The following GRIK2 variants were observed in gnomAD, a reference collection of about 807,000 sequenced individuals.
GRIK2 encodes the protein glutamate ionotropic receptor kainate type subunit 2.
A neutral mutation model predicts 100.3 loss-of-function variants in GRIK2; 32 were observed. The ratio of observed to expected loss-of-function variants is 0.32; its 90% CI spans 0.24 to 0.43. GRIK2 has a LOEUF of 0.43. GRIK2 is among the 20% of genes least tolerant of loss of function. The pLI is 1.00. For synonymous variants in GRIK2, 417 were observed against 389.4 expected, an observed-to-expected ratio of 1.07 and a Z score of -0.83; for missense variants, 843 against 1,114.9, an observed-to-expected ratio of 0.76 and a Z score of 3.47.
intron 2 of GRIK2, among the ~76,000 whole-genome samples, chr6:101,467,926 G>A (rs1239941734): frequency 6.9e-6 from 1 of 144,374 alleles, no homozygotes; most frequent in Non-Finnish European, 1.5e-5. Context: ...GCATGCCCAC[G>A]ATATATTTTT....
intron 14 of GRIK2, among the ~76,000 whole-genome samples, chr6:101,975,482 GT>G (rs1223384581): frequency 3.9e-5 from 6 of 152,078 alleles, no homozygotes; most frequent in Admixed American, 3.3e-4. Context: ...TAAGAAAAGT[GT>G]TGTGATCAAG....
At chr6:101,791,292 G>A (rs1779837488) in intron 7 of GRIK2, among the ~76,000 whole-genome samples, 2 of 152,014 alleles carry the variant, frequency 1.3e-5, no homozygotes, top group African/African-American at 2.4e-5. Flanking sequence ...TCTTTTAATT[G>A]TGATGTTAGG....
At chr6:101,733,750 G>A (rs1328258570) in intron 7 of GRIK2, among the ~76,000 whole-genome samples, 1 of 114,470 alleles carries the variant, frequency 8.7e-6, no homozygotes, top group Non-Finnish European at 1.7e-5. Flanking sequence ...ATTATAAGCA[G>A]TCAGGAGGAA....
chr6:101,413,698 TA>T (rs1235876724), intron 2 of GRIK2, among the ~76,000 whole-genome samples: 1 of 151,874 alleles, frequency 6.6e-6, no homozygotes, highest in Non-Finnish European at 1.5e-5. Flanking sequence ...AATTTCTTAT[TA>T]TAATTGAAGG....
intron 12 of GRIK2, among the ~76,000 whole-genome samples, chr6:101,897,537 A>T (rs977699355): frequency 6.6e-6 from 1 of 151,822 alleles, no homozygotes; most frequent in Admixed American, 6.6e-5. Context: ...AGTCAACCTA[A>T]GAAAGGTCTT....
chr6:101,785,739 G>T (rs910445496), intron 7 of GRIK2, among the ~76,000 whole-genome samples: 12 of 152,026 alleles, frequency 7.9e-5, no homozygotes, highest in African/African-American at 2.9e-4. Flanking sequence ...ACATTTTAAG[G>T]TCAGGTATTG....
Position 101,827,455 on chromosome 6 carries a change from G to A in GRIK2, c.1317+8972G>A, listed in dbSNP as rs79566474. The stretch of plus-strand genomic sequence containing the variant: ...CTATTTGTTTTTGCTTTAAAACATA[G>A]CCCCACATTGGATTAAAAAAACAAA... On this transcript the variant is annotated intron_variant, in intron 10 of 16. Coordinates refer to ENST00000369134, the MANE Select transcript of GRIK2 (RefSeq NM_021956.5). Among the ~76,000 whole-genome samples, 783 of 150,732 alleles carry A rather than the reference G, an allele frequency of 5.2e-3. 42 individuals carry two copies. In the East Asian group the frequency reaches 0.13, roughly 25 times the overall value.
chr6:101,592,615 A>ATATATATATATATATATATATATATATG (rs887154272), intron 2 of GRIK2, among the ~76,000 whole-genome samples: 5 of 127,800 alleles, frequency 3.9e-5, no homozygotes, highest in African/African-American at 1.7e-4. Flanking sequence ...ATATATATAT[A>ATATATATATATATATATATATATATATG]TATATATATT....
chr6:101,667,805 C>G (rs1375598268), intron 4 of GRIK2, among the ~76,000 whole-genome samples: 2 of 151,984 alleles, frequency 1.3e-5, no homozygotes, highest in African/African-American at 4.8e-5. Flanking sequence ...TGGGGATAAC[C>G]ATTATATAAT....
At position 101,438,574 on chromosome 6, in the gene GRIK2, C is replaced by T. The variant is rs191283357; in HGVS notation, c.115+39182C>T. ...TTTAGAAAGACCAAAATAATGTAGC[C>T]ACATTGTGAGATTGCCATCAAGAAA... On this transcript the variant is annotated intron_variant, in intron 2 of 16. Coordinates refer to ENST00000369134, the MANE Select transcript of GRIK2 (RefSeq NM_021956.5). Among the ~76,000 whole-genome samples the T allele has an allele frequency of 1.0e-3, 159 of 152,032 alleles. 2 individuals are homozygous for T. Among genetic ancestry groups the T allele is most frequent in the African/African-American group, 3.7e-3 (153 of 41,492 alleles).
At chr6:101,795,585 G>A (rs910178087) in intron 7 of GRIK2, among the ~76,000 whole-genome samples, 6 of 152,214 alleles carry the variant, frequency 3.9e-5, no homozygotes, top group Non-Finnish European at 8.8e-5. Flanking sequence ...CCCCTAAGCA[G>A]TATGCATGGC....
intron 4 of GRIK2, among the ~76,000 whole-genome samples, chr6:101,635,048 T>C (rs549291438): frequency 6.6e-6 from 1 of 152,132 alleles, no homozygotes; most frequent in African/African-American, 2.4e-5. Flanking sequence ...AGACACTAAT[T>C]TTTGAATAAG....
At chr6:101,918,366 G>C (rs1203186242) in intron 12 of GRIK2, among the ~76,000 whole-genome samples, 3 of 151,560 alleles carry the variant, frequency 2.0e-5, no homozygotes, top group Non-Finnish European at 4.4e-5. Flanking sequence ...CTCTTCATTA[G>C]TTGTAATGTA....
chr6:101,657,922 C>T (rs116163539), intron 4 of GRIK2, among the ~76,000 whole-genome samples: 3,426 of 152,046 alleles, frequency 0.023, 119 homozygotes, highest in African/African-American at 0.077. Context: ...GTTCTTCTTT[C>T]ACTTATGCTG....
At chr6:101,845,874 C>A (rs1783777134) in intron 10 of GRIK2, among the ~76,000 whole-genome samples, 1 of 152,086 alleles carries the variant, frequency 6.6e-6, no homozygotes, top group Non-Finnish European at 1.5e-5. Flanking sequence ...GAAGTGGTAT[C>A]TTACTGCGGT....
chr6:101,796,075 T>C (rs1780284404), intron 7 of GRIK2, among the ~76,000 whole-genome samples: 1 of 151,998 alleles, frequency 6.6e-6, no homozygotes, highest in South Asian at 2.1e-4. Context: ...AACCATAGAG[T>C]GTTGAGTGAG....
chr6:101,653,440 C>T (rs1198028145), intron 4 of GRIK2, among the ~76,000 whole-genome samples: 4 of 151,890 alleles, frequency 2.6e-5, no homozygotes, highest in Admixed American at 6.6e-5. Context: ...ACCATGTTTC[C>T]TCCTTGATCA....
At chr6:101,875,277 G>T (rs1441444485) in intron 11 of GRIK2, among the ~76,000 whole-genome samples, 2 of 151,646 alleles carry the variant, frequency 1.3e-5, no homozygotes, top group Non-Finnish European at 2.9e-5. Context: ...ACAAATCGGT[G>T]GACAAGAAAC....
At chr6:101,971,672 T>C (rs2128486020) in intron 14 of GRIK2, among the ~76,000 whole-genome samples, 1 of 152,038 alleles carries the variant, frequency 6.6e-6, no homozygotes, top group Admixed American at 6.6e-5. Context: ...GTAACTGAAG[T>C]TTGGGGTATG....
Sources: gnomAD v4.1 joint callset for allele counts (sites outside exome capture counted in the v4.1 genomes callset) on GRCh38, gnomAD v4.1.1 for gene constraint, MANE v1.5 for transcripts, NCBI Gene and HGNC (gene_info 2026-07-23, HGNC 2026-07-21) for gene names.